BYSL: variants seen among roughly 807,000 people sequenced by gnomAD.
BYSL encodes bystin like, also known as bystin.
In BYSL, 21 loss-of-function variants were observed where a neutral mutation model predicts 45.4. The ratio of observed to expected loss-of-function variants is 0.46; its 90% CI spans 0.33 to 0.67. The LOEUF is 0.67. BYSL is among the 30% of genes least tolerant of loss of function. The probability of loss-of-function intolerance (pLI) is 0.02; values close to 1 mark genes in which losing one functional copy is unlikely to be tolerated. For missense variants in BYSL, 522 were observed against 578.5 expected (o/e 0.90, Z 1.00); for synonymous variants, 215 against 231.3 (o/e 0.93, Z 0.64).
At chr6:41,921,168 TC>T, upstream of BYSL, 1 of 1,007,618 alleles carries the variant, frequency 9.9e-7, no homozygotes, top group Non-Finnish European at 1.4e-6. Flanking sequence ...GTCCACGCCT[TC>T]CCCAAGGAAT....
At chr6:41,921,195 A>AC (rs746026977), upstream of BYSL, 16 of 807,190 alleles carry the variant, frequency 2.0e-5, no homozygotes, top group East Asian at 1.5e-4. Flanking sequence ...GTGTCTCGGC[A>AC]CCCCTCGGTG....
At chr6:41,913,095 G>C in the BYSL span, 1 of 145,496 alleles carries the variant, frequency 6.9e-6, no homozygotes, top group East Asian at 2.0e-4. Context: ...GGGTGACAGA[G>C]AGACCCTGTC....
the BYSL span, among the ~76,000 whole-genome samples, chr6:41,913,366 C>T: frequency 1.3e-5 from 2 of 152,142 alleles, no homozygotes; most frequent in African/African-American, 4.8e-5. Flanking sequence ...GTGCTGTCTC[C>T]CCAACTAGAC....
chr6:41,923,917 T>C (rs1045556040), intron 1 of BYSL, among the ~76,000 whole-genome samples: 4 of 152,336 alleles, frequency 2.6e-5, no homozygotes, highest in Admixed American at 2.6e-4. Flanking sequence ...TTGGCCTGGT[T>C]GTTCCTTCTC....
At chr6:41,912,239 C>T in the BYSL span, among the ~76,000 whole-genome samples, 3 of 136,034 alleles carry the variant, frequency 2.2e-5, no homozygotes, top group African/African-American at 5.6e-5. Flanking sequence ...TGAGGTCTTA[C>T]CATCTTGCCT....
At chr6:41,921,164 G>A, upstream of BYSL, 1 of 1,061,218 alleles carries the variant, frequency 9.4e-7, no homozygotes, top group East Asian at 2.9e-5. Flanking sequence ...CCGGGTCCAC[G>A]CCTTCCCCAA....
intron 4 of BYSL, 59 bp from the exon 5 acceptor site, chr6:41,931,337 A>C: frequency 6.3e-7 from 1 of 1,585,608 alleles, no homozygotes; most frequent in East Asian, 2.2e-5. Flanking sequence ...GTGATATTTA[A>C]TGGGCCGGGT....
intron 1 of BYSL, 64 bp downstream of exon 1, chr6:41,921,894 A>G: frequency 1.3e-6 from 2 of 1,526,588 alleles, no homozygotes; most frequent in Admixed American, 2.1e-5. Flanking sequence ...TGGGCAGCTA[A>G]AAAGTGTCTG....
chr6:41,927,225 C>T, intron 1 of BYSL, 149 bp from the exon 2 acceptor site: 1 of 847,842 alleles, frequency 1.2e-6, no homozygotes, highest in South Asian at 2.0e-5. Flanking sequence ...CCCCTGGGGA[C>T]AGGGAGCTAA....
At chr6:41,920,360 A>T (rs146788576), upstream of BYSL, among the ~76,000 whole-genome samples, 376 of 152,296 alleles carry the variant, frequency 2.5e-3, 3 homozygotes, top group African/African-American at 8.6e-3. Flanking sequence ...AGGGAAGAGC[A>T]GGCGAAAATC....
chr6:41,931,250 A>C, intron 4 of BYSL, 146 bp from the exon 5 acceptor site: 3 of 925,288 alleles, frequency 3.2e-6, no homozygotes, highest in Middle Eastern at 3.3e-4. Context: ...TGTTGCATGC[A>C]CACAGCTCCC....
upstream of BYSL, chr6:41,916,642 A>C (rs903983529): frequency 1.6e-5 from 16 of 989,738 alleles, no homozygotes; most frequent in Non-Finnish European, 3.0e-6. Flanking sequence ...ATAAAGAACC[A>C]AGAATTAATG....
chr6:41,920,658 C>T (rs1271008818), upstream of BYSL: 2 of 238,200 alleles, frequency 8.4e-6, no homozygotes, highest in African/African-American at 4.5e-5. Context: ...GCCTGTAGTC[C>T]CAGCTACTCG....
Position 41,932,795 on chromosome 6 carries a change from C to A in BYSL, c.*89C>A. 7.4e-7 allele frequency: 1 copy of A among 1,344,382 alleles called. No homozygotes were observed. The highest frequency in any genetic ancestry group is 1.0e-6 in the Non-Finnish European group (1 of 984,744). The allele number at this position is 1,344,382 out of a possible 1,614,324, so 83.3% of individuals were successfully genotyped here. On this transcript the variant is annotated 3_prime_UTR_variant, in exon 7 of 7. Transcript: ENST00000230340. This position sits in a 1 kb window ranked among gnomAD's most constrained non-coding sequence, Gnocchi z 4.7. ...TGAAGATGACACTGAGCTTTAATGGCTGAAGACCCAGATCAGGGCAGTGAC... is the reference window on the plus strand; with the variant it reads ...TGAAGATGACACTGAGCTTTAATGGATGAAGACCCAGATCAGGGCAGTGAC...
In BYSL at chr6:41,931,799, A is replaced by G. The variant is rs1775644209; in HGVS notation, c.937A>G (p.Thr313Ala). ...AGCCATCATTGTGGGTAGCATCATC[A>G]CCAAGTGCTCCATCCCTGTGTTGCA... is the stretch of plus-strand genomic sequence containing the variant. ...REAIIVGSII[T>A]KCSIPVLHSS... Residue 313 changes from threonine (T) to alanine (A), a missense_variant, in exon 6 of 7, where the codon ACC becomes GCC. By Grantham distance (58) the Thr-to-Ala change is moderately conservative. Coordinates refer to ENST00000230340, the MANE Select transcript of BYSL (RefSeq NM_004053.4). The G allele has an allele frequency of 6.2e-7, 1 of 1,613,962 alleles. No individual in the cohort carries two copies. Among genetic ancestry groups the G allele is most frequent in the Non-Finnish European group, 8.5e-7 (1 of 1,179,980 alleles).
rs369562083 is a variant in BYSL at position 41,931,744 on chromosome 6, G to C, written c.882G>C (p.Leu294=). 6.8e-6 allele frequency: 11 copies of C among 1,614,120 alleles called. No homozygotes were observed. Among genetic ancestry groups the C allele is most frequent in the Admixed American group, 3.3e-5 (2 of 60,024 alleles). The change falls in exon 6 of 7, where the codon CTG becomes CTC. Residue 294 remains leucine, a synonymous_variant. Coordinates refer to ENST00000230340, the MANE Select transcript of BYSL (RefSeq NM_004053.4). ...GAWFKGILIP[L]CESGTCTLRE... Reference sequence around the variant, plus strand: ...TCTCCCTAGGGATCCTGATTCCACTGTGCGAGTCTGGCACTTGTACCCTCC... The same window carrying C: ...TCTCCCTAGGGATCCTGATTCCACTCTGCGAGTCTGGCACTTGTACCCTCC...
chr6:41,920,988 AC>A, upstream of BYSL: 2 of 1,607,568 alleles, frequency 1.2e-6, no homozygotes, highest in Non-Finnish European at 1.7e-6. Context: ...GCCCCACAAA[AC>A]CCCCTGCAGT....
rs958708187 is a variant in BYSL, at chr6:41,932,087, G to T, written c.968+257G>T. Among the ~76,000 whole-genome samples the T allele has an allele frequency of 1.3e-5, 2 of 152,152 alleles. No individual in the cohort carries two copies. Among genetic ancestry groups the T allele is most frequent in the Admixed American group, 1.3e-4 (2 of 15,264 alleles). On this transcript the variant is annotated intron_variant, in intron 6 of 6. Transcript: ENST00000230340. This position sits in a 1 kb window ranked among gnomAD's most constrained non-coding sequence, Gnocchi z 4.7. ...GGAAACACAGGAAGAAAGTAGTTAG[G>T]GTGGAGACGTTGAGATGTTTGGACC...
chr6:41,920,481 G>A (rs1474114222), upstream of BYSL, among the ~76,000 whole-genome samples: 3 of 152,170 alleles, frequency 2.0e-5, no homozygotes, highest in Admixed American at 6.5e-5. Context: ...ACTGCAGGCA[G>A]TACTATGGCC....
Sources: allele counts gnomAD v4.1 joint callset (sites outside exome capture counted in the v4.1 genomes callset), GRCh38; gene constraint gnomAD v4.1.1; non-coding constraint Gnocchi (gnomAD v3.1); transcripts MANE v1.5; gene names NCBI Gene and HGNC (gene_info 2026-07-23, HGNC 2026-07-21).